Variants in CACNA1D observed in about 807,000 individuals in gnomAD.
CACNA1D encodes the protein voltage-dependent L-type calcium channel subunit alpha-1D.
A neutral mutation model predicts 257.1 loss-of-function variants in CACNA1D; 55 were observed. The ratio of observed to expected loss-of-function variants is 0.21; its 90% CI spans 0.17 to 0.27. The LOEUF is 0.27. Ranked by LOEUF, CACNA1D falls within the 10% of genes least tolerant of loss-of-function variation. The pLI is 1.00. For synonymous variants in CACNA1D, 980 were observed against 1,014.9 expected, an observed-to-expected ratio of 0.97 and a Z score of 0.65; for missense variants, 1,876 against 2,784.0, an observed-to-expected ratio of 0.67 and a Z score of 7.34.
intron 3 of CACNA1D, among the ~76,000 whole-genome samples, chr3:53,517,487 CTTTT>C (rs529370207): frequency 7.1e-6 from 1 of 140,716 alleles, no homozygotes; most frequent in Admixed American, 7.1e-5. Flanking sequence ...TTCTTTCTTT[CTTTT>C]TTTTTTTTTT....
chr3:53,638,308 G>C (rs2093909632), intron 3 of CACNA1D, among the ~76,000 whole-genome samples: 1 of 152,242 alleles, frequency 6.6e-6, no homozygotes, highest in Non-Finnish European at 1.5e-5. Flanking sequence ...CTCCCTCATA[G>C]CAGAGCCAGC....
intron 3 of CACNA1D, among the ~76,000 whole-genome samples, chr3:53,567,763 G>C (rs1227672368): frequency 6.6e-6 from 1 of 152,206 alleles, no homozygotes; most frequent in African/African-American, 2.4e-5. Flanking sequence ...CTTAATCTCT[G>C]TGTAGTTATG....
Position 53,718,332 on chromosome 3 carries a change from G to A in CACNA1D, c.1422G>A (p.Val474=), listed in dbSNP as rs1417562641. 7 of 1,614,200 alleles carry A rather than the reference G, an allele frequency of 4.3e-6. No individual in the cohort carries two copies. The Admixed American group carries it at 1.0e-4, about 23-fold the overall frequency. Residue 474 remains valine (V), a synonymous_variant, in exon 10 of 48, where the codon GTG becomes GTA. Transcript: ENST00000350061. The stretch of plus-strand genomic sequence containing the variant: ...TGCCCACCAGCGAGACTGAGTCTGT[G>A]AACACAGAGAACGTCAGCGGTGAAG... ...TSMPTSETES[V]NTENVSGEGE...
At chr3:53,503,576 C>T (rs1464604971) in intron 3 of CACNA1D, among the ~76,000 whole-genome samples, 3 of 152,310 alleles carry the variant, frequency 2.0e-5, no homozygotes, top group East Asian at 1.9e-4. Context: ...AATGTAGCTG[C>T]ATGTGTAAGC....
chr3:53,564,456 C>A (rs1166359533), intron 3 of CACNA1D, among the ~76,000 whole-genome samples: 1 of 152,156 alleles, frequency 6.6e-6, no homozygotes, highest in African/African-American at 2.4e-5. Context: ...CTTTTGAATA[C>A]TCATTTATTA....
At chr3:53,610,167 G>A (rs2093565836) in intron 3 of CACNA1D, among the ~76,000 whole-genome samples, 1 of 152,036 alleles carries the variant, frequency 6.6e-6, no homozygotes, top group Non-Finnish European at 1.5e-5. Context: ...TGTCTATCTT[G>A]GTAGATATTC....
rs539054115 is a variant in CACNA1D at position 53,805,488 on chromosome 3, C to T, written c.5749+342C>T. 3.3e-5 allele frequency among the ~76,000 whole-genome samples: 5 copies of T among 152,204 alleles called. No homozygotes were observed. The South Asian group carries it at 6.2e-4, about 19-fold the overall frequency. On this transcript the variant is annotated intron_variant, in intron 45 of 47. Coordinates refer to ENST00000350061, the MANE Select transcript of CACNA1D (RefSeq NM_001128840.3). ...TCCTGAGAGGGAGGCAAACCACACA[C>T]ATGCTTTTGCTGTTGTCAGCCCTGC...
rs186161790 is a variant in CACNA1D at position 53,704,177 on chromosome 3, A to G, written c.1390+1367A>G. 1.6e-4 allele frequency among the ~76,000 whole-genome samples: 25 copies of G among 152,184 alleles called. No homozygotes were observed. The East Asian group carries it at 4.8e-3, about 29-fold the overall frequency. ...TCTTCTGGAGGTTGTGGAGTGTGTAAGTGGGGGCTGAGAGACCCCTGGTGG... is the reference window on the plus strand; with the variant it reads ...TCTTCTGGAGGTTGTGGAGTGTGTAGGTGGGGGCTGAGAGACCCCTGGTGG... On this transcript the variant is annotated intron_variant, in intron 9 of 47. Coordinates refer to ENST00000350061, the MANE Select transcript of CACNA1D (RefSeq NM_001128840.3).
At chr3:53,787,437 G>GTGTGTGTGTGTT (rs1204657042) in intron 40 of CACNA1D, among the ~76,000 whole-genome samples, 1 of 151,440 alleles carries the variant, frequency 6.6e-6, no homozygotes. Context: ...GTGTGTGTGT[G>GTGTGTGTGTGTT]TGTGTGTGTG....
At chr3:53,721,353 C>G (rs2094880882) in intron 11 of CACNA1D, among the ~76,000 whole-genome samples, 1 of 152,196 alleles carries the variant, frequency 6.6e-6, no homozygotes, top group Non-Finnish European at 1.5e-5. Context: ...CCTGGAGATT[C>G]CTCTTGACTC....
chr3:53,503,986 T>G (rs1414038424), intron 3 of CACNA1D, among the ~76,000 whole-genome samples: 1 of 152,036 alleles, frequency 6.6e-6, no homozygotes, highest in Non-Finnish European at 1.5e-5. Context: ...AAGATCTTTG[T>G]GGATTTCCTT....
chr3:53,691,805 A>ATAG, intron 8 of CACNA1D, among the ~76,000 whole-genome samples: 1 of 79,182 alleles, frequency 1.3e-5, no homozygotes, highest in Non-Finnish European at 2.5e-5. Flanking sequence ...TTACATATAT[A>ATAG]ATATATATTA....
chr3:53,732,078 G>T lies in CACNA1D; in HGVS notation c.2469G>T (p.Val823=), dbSNP rs779797098. 6.2e-7 allele frequency: 1 copy of T among 1,610,950 alleles called. No individual in the cohort carries two copies. The highest frequency in any genetic ancestry group is 1.3e-5 in the African/African-American group (1 of 74,886). Residue 823 remains valine, a synonymous_variant, in exon 18 of 48, where the codon GTG becomes GTT. Coordinates refer to ENST00000350061, the MANE Select transcript of CACNA1D (RefSeq NM_001128840.3). ...AGGACCCCTATCCGCCTTGCGATGT[G>T]CCAGGTATGGTGGCGGAGGCCGGAG... The part of the protein sequence containing the change: ...EDKDPYPPCD[V]PVGEEEEEEE...
At chr3:53,634,588 A>G (rs2093859778) in intron 3 of CACNA1D, among the ~76,000 whole-genome samples, 1 of 152,116 alleles carries the variant, frequency 6.6e-6, no homozygotes, top group Non-Finnish European at 1.5e-5. Context: ...AGGATGTCTC[A>G]ATGTCCTAGA....
intron 8 of CACNA1D, among the ~76,000 whole-genome samples, chr3:53,676,041 C>A (rs1204151302): frequency 6.6e-6 from 1 of 152,170 alleles, no homozygotes; most frequent in Admixed American, 6.5e-5. Flanking sequence ...TGTAGAGTGC[C>A]CGGCTCTGGT....
chr3:53,806,900 C>T (rs571349546), intron 45 of CACNA1D, among the ~76,000 whole-genome samples: 10 of 152,202 alleles, frequency 6.6e-5, no homozygotes, highest in Non-Finnish European at 1.5e-4. Flanking sequence ...CACTGCCTTC[C>T]TCGGGCCTCG....
At chr3:53,531,753 A>G (rs769052663) in intron 3 of CACNA1D, among the ~76,000 whole-genome samples, 4 of 152,178 alleles carry the variant, frequency 2.6e-5, no homozygotes, top group Admixed American at 6.5e-5. Context: ...GTCTTCTCTG[A>G]CAGTTTCTTT....
intron 3 of CACNA1D, among the ~76,000 whole-genome samples, chr3:53,548,011 A>G (rs1305894369): frequency 6.6e-6 from 1 of 152,206 alleles, no homozygotes; most frequent in Non-Finnish European, 1.5e-5. Flanking sequence ...GGATTATCCC[A>G]GATTTTACAG....
At chr3:53,809,698 T>C in intron 46 of CACNA1D, 1 of 498,432 alleles carries the variant, frequency 2.0e-6, no homozygotes, top group Non-Finnish European at 3.7e-6. Flanking sequence ...CCCTGATTCT[T>C]CATTCTGAAG....
Sources: allele counts gnomAD v4.1 joint callset (sites outside exome capture counted in the v4.1 genomes callset), GRCh38; gene constraint gnomAD v4.1.1; transcripts MANE v1.5; gene names NCBI Gene and HGNC (gene_info 2026-07-23, HGNC 2026-07-21).